The following FAM219A variants were observed in gnomAD, a reference collection of about 807,000 sequenced individuals.
FAM219A encodes the protein family with sequence similarity 219 member A.
Under a neutral mutation model 23.4 loss-of-function variants are expected in FAM219A, and 7 were observed. The ratio of observed to expected loss-of-function variants is 0.30; its 90% CI spans 0.17 to 0.56. The LOEUF is 0.56. Ranked by LOEUF, FAM219A falls within the 20% of genes least tolerant of loss-of-function variation. The pLI is 0.92. For synonymous variants in FAM219A, 93 were observed against 99.0 expected (o/e 0.94, Z 0.36); for missense variants, 166 against 246.9 (o/e 0.67, Z 2.20).
chr9:34,430,285 C>G (rs1247979462), intron 1 of FAM219A, among the ~76,000 whole-genome samples: 2 of 152,030 alleles, frequency 1.3e-5, no homozygotes, highest in African/African-American at 4.8e-5. Context: ...TCCCAGCACT[C>G]TGGGAGGCTG....
intron 1 of FAM219A, among the ~76,000 whole-genome samples, chr9:34,453,682 C>T (rs1303567716): frequency 6.6e-6 from 1 of 152,118 alleles, no homozygotes; most frequent in Non-Finnish European, 1.5e-5. Flanking sequence ...GTGCAGAGAC[C>T]CTATCTGGTG....
chr9:34,449,137 C>G (rs1823475293), intron 1 of FAM219A, among the ~76,000 whole-genome samples: 2 of 151,954 alleles, frequency 1.3e-5, no homozygotes, highest in Non-Finnish European at 2.9e-5. Context: ...AATTTGAGAC[C>G]AACCTGGGCA....
chr9:34,431,856 G>C (rs1342110223), intron 1 of FAM219A, among the ~76,000 whole-genome samples: 1 of 152,232 alleles, frequency 6.6e-6, no homozygotes, highest in African/African-American at 2.4e-5. Context: ...CTGGCACACA[G>C]CCCGGGTCCT....
chr9:34,421,009 T>TGTGTGTGAGA (rs1554677406), intron 1 of FAM219A, among the ~76,000 whole-genome samples: 6 of 86,358 alleles, frequency 6.9e-5, no homozygotes, highest in Admixed American at 1.3e-4. Flanking sequence ...TGTGTGTGTG[T>TGTGTGTGAGA]GAGAGAGAGA....
intron 1 of FAM219A, among the ~76,000 whole-genome samples, chr9:34,441,529 A>G (rs532260338): frequency 6.6e-6 from 1 of 152,314 alleles, no homozygotes; most frequent in Non-Finnish European, 1.5e-5. Context: ...ATGATGGTAC[A>G]GGATAAGAGC....
rs144341520 is a variant in FAM219A, at chr9:34,441,319, C to A, written c.60+16885G>T. On this transcript the variant is annotated intron_variant, in intron 1 of 5. Transcript: ENST00000651358. ...GGAAAAGACCACAGTTGCTTCTACTCCCTAGTATGAGTCAAGCATAGTCCT... is the reference window on the plus strand; with the variant it reads ...GGAAAAGACCACAGTTGCTTCTACTACCTAGTATGAGTCAAGCATAGTCCT... Among the ~76,000 whole-genome samples, 18 of 152,322 alleles carry A rather than the reference C, an allele frequency of 1.2e-4. No individual in the cohort carries two copies. In the East Asian group the frequency reaches 3.5e-3, roughly 29 times the overall value.
chr9:34,408,181 T>C (rs1563999690), intron 1 of FAM219A, among the ~76,000 whole-genome samples: 1 of 152,246 alleles, frequency 6.6e-6, no homozygotes, highest in Non-Finnish European at 1.5e-5. Context: ...CCGCAGTGCC[T>C]GCATCTTGGG....
intron 1 of FAM219A, among the ~76,000 whole-genome samples, chr9:34,423,926 T>C (rs542957535): frequency 9.9e-5 from 15 of 152,004 alleles, no homozygotes; most frequent in Non-Finnish European, 1.6e-4. Context: ...CCAAATAAGA[T>C]GGAGAAACAG....
Position 34,400,960 on chromosome 9 carries a change from C to T in FAM219A, c.*4G>A. 2 of 1,536,606 alleles carry T rather than the reference C, an allele frequency of 1.3e-6. No individual in the cohort carries two copies. Among genetic ancestry groups the T allele is most frequent in the Non-Finnish European group, 1.8e-6 (2 of 1,136,774 alleles). ...CGCCCCGGCGACCGCAGTGGCCCCG[C>T]CCGCTACTGAATGTGGCAGGCGGTG... On this transcript the variant is annotated 3_prime_UTR_variant, in exon 6 of 6. Transcript: ENST00000651358.
intron 1 of FAM219A, among the ~76,000 whole-genome samples, chr9:34,413,870 C>G (rs1821909717): frequency 6.6e-6 from 1 of 152,210 alleles, no homozygotes; most frequent in Admixed American, 6.5e-5. Context: ...TCAGGCCACT[C>G]TCTGACAAGT....
intron 1 of FAM219A, among the ~76,000 whole-genome samples, chr9:34,424,703 C>T (rs1160340572): frequency 4.6e-5 from 7 of 152,196 alleles, no homozygotes; most frequent in Admixed American, 2.6e-4. Context: ...GAGCAGCCTG[C>T]GTTGCGATTT....
intron 1 of FAM219A, among the ~76,000 whole-genome samples, chr9:34,430,963 C>T (rs1822677560): frequency 6.6e-6 from 1 of 152,216 alleles, no homozygotes; most frequent in Non-Finnish European, 1.5e-5. Context: ...AACCACCTCC[C>T]CTTAAGTCCT....
At chr9:34,405,408 T>C (rs937285496) in intron 2 of FAM219A, among the ~76,000 whole-genome samples, 14 of 152,314 alleles carry the variant, frequency 9.2e-5, no homozygotes, top group Admixed American at 3.9e-4. Flanking sequence ...CCCAGATAGG[T>C]GCCAACTGGG....
intron 1 of FAM219A, among the ~76,000 whole-genome samples, chr9:34,418,750 C>T (rs573874996): frequency 6.6e-6 from 1 of 152,084 alleles, no homozygotes; most frequent in Non-Finnish European, 1.5e-5. Flanking sequence ...AGTTAAGGTA[C>T]AAAGTTCTTT....
At chr9:34,453,227 T>C (rs1319274360) in intron 1 of FAM219A, among the ~76,000 whole-genome samples, 1 of 152,180 alleles carries the variant, frequency 6.6e-6, no homozygotes, top group Non-Finnish European at 1.5e-5. Context: ...ATAGAATATA[T>C]ATAGGTCAGT....
At chr9:34,409,547 C>T (rs571120195) in intron 1 of FAM219A, among the ~76,000 whole-genome samples, 1 of 152,304 alleles carries the variant, frequency 6.6e-6, no homozygotes, top group East Asian at 1.9e-4. Context: ...TAACAGCAGC[C>T]CATGTTTCTG....
chr9:34,421,279 G>A (rs1326171076), intron 1 of FAM219A, among the ~76,000 whole-genome samples: 1 of 152,082 alleles, frequency 6.6e-6, no homozygotes. Flanking sequence ...TTATAGGGGT[G>A]TGTGTGTGCC....
At chr9:34,411,258 A>G (rs187102402) in intron 1 of FAM219A, among the ~76,000 whole-genome samples, 2 of 152,248 alleles carry the variant, frequency 1.3e-5, no homozygotes, top group Non-Finnish European at 2.9e-5. Context: ...TACAAATAGA[A>G]AAGAGTCCCA....
Position 34,448,973 on chromosome 9 carries a change from C to T in FAM219A, c.60+9231G>A, listed in dbSNP as rs140883185. 8.9e-5 allele frequency among the ~76,000 whole-genome samples: 13 copies of T among 146,880 alleles called. No homozygotes were observed. The South Asian group carries it at 2.1e-3, about 24-fold the overall frequency. ...AACTTATCCACATAACCAAAAACCACCTGTTCCCCAAAAACTATCGGAAAA... is the reference window on the plus strand; with the variant it reads ...AACTTATCCACATAACCAAAAACCATCTGTTCCCCAAAAACTATCGGAAAA... On this transcript the variant is annotated intron_variant, in intron 1 of 5. Coordinates refer to ENST00000651358, the MANE Select transcript of FAM219A (RefSeq NM_001184940.2).
Sources: gnomAD v4.1 joint callset for allele counts (sites outside exome capture counted in the v4.1 genomes callset) on GRCh38, gnomAD v4.1.1 for gene constraint, MANE v1.5 for transcripts, NCBI Gene and HGNC (gene_info 2026-07-23, HGNC 2026-07-21) for gene names.